The following AP1B1 variants were observed in gnomAD, a reference collection of about 807,000 sequenced individuals.
AP1B1 encodes AP-1 complex subunit beta-1.
AP1B1 carries 36 observed loss-of-function variants against 104.3 expected under a neutral mutation model. The observed-to-expected ratio is 0.35, with a 90% confidence interval of 0.26 to 0.46. The LOEUF (loss-of-function observed/expected upper bound fraction) is 0.46. Among genes scored for constraint, AP1B1 ranks in the 20% least tolerant of loss-of-function variants. The probability of loss-of-function intolerance (pLI) is 1.00; values close to 1 mark genes in which losing one functional copy is unlikely to be tolerated. For synonymous variants in AP1B1, 504 were observed against 517.5 expected, an observed-to-expected ratio of 0.97 and a Z score of 0.35; for missense variants, 901 against 1,247.9, an observed-to-expected ratio of 0.72 and a Z score of 4.19.
rs1199020390 is a variant in AP1B1, at chr22:29,341,621, AGT to A, written c.1674_1675del (p.Leu559ValfsTer17). On this transcript the variant is annotated frameshift_variant, in exon 13 of 23. Transcript: ENST00000357586. LOFTEE classifies it high-confidence loss of function. ...GATGTAGCAGATAAGCTCGTCTAAC[AGT>A]GTGGGCTCGATGAGGTCCGTCTCTT... is the stretch of plus-strand genomic sequence containing the variant. 6.2e-7 allele frequency: 1 copy of A among 1,614,114 alleles called. No individual in the cohort carries two copies. The highest frequency in any genetic ancestry group is 2.2e-5 in the East Asian group (1 of 44,906).
rs192379314 is a variant in AP1B1, at chr22:29,360,982, T to C, written c.144-1023A>G. Among the ~76,000 whole-genome samples, 253 of 152,184 alleles carry C rather than the reference T, an allele frequency of 1.7e-3. 1 individual carries two copies. In the South Asian group the frequency reaches 0.017, roughly 10 times the overall value. On this transcript the variant is annotated intron_variant, in intron 3 of 22. Coordinates refer to ENST00000357586, the MANE Select transcript of AP1B1 (RefSeq NM_001127.4). ...ATTTATGTGTCACCTTGGAAGATGA[T>C]GCACCAGGAAGAATGGGGAGGAGGG...
chr22:29,341,518 C>T lies in AP1B1; in HGVS notation c.1779G>A (p.Leu593=), dbSNP rs2061714211. The T allele has an allele frequency of 3.1e-6, 5 of 1,613,060 alleles. No homozygotes were observed. Among genetic ancestry groups the T allele is most frequent in the Middle Eastern group, 1.7e-4 (1 of 6,050 alleles). The change falls in exon 13 of 23, where the codon CTG becomes CTA. Residue 593 remains leucine, a synonymous_variant. Transcript: ENST00000357586. The stretch of plus-strand genomic sequence containing the variant: ...TCACTCACGAGGCCGTGCGAGGTGG[C>T]AGGCTCTTGTGCACGACGCCCCGGC... The part of the protein sequence containing the change: ...EGGRGVVHKS[L]PPRTASSESA...
At chr22:29,378,297 C>A (rs2062378216) in intron 1 of AP1B1, among the ~76,000 whole-genome samples, 1 of 152,104 alleles carries the variant, frequency 6.6e-6, no homozygotes, top group Non-Finnish European at 1.5e-5. Flanking sequence ...TGACCCACAC[C>A]TGTAATCCTA....
rs112387850 is a variant in AP1B1 at position 29,349,977 on chromosome 22, G to A, written c.1271+58C>T. The A allele has an allele frequency of 1.1e-4, 153 of 1,344,008 alleles. 3 individuals are homozygous for A. The highest frequency in any genetic ancestry group is 4.7e-4 in the African/African-American group (33 of 69,742). The allele number at this position is 1,344,008 out of a possible 1,614,324, so 83.3% of individuals were successfully genotyped here. On this transcript the variant is annotated intron_variant, in intron 10 of 22. Transcript: ENST00000357586. ...AGATTCCTCCTTCCTTTTCTGCCCCGCCATCCCTGTCCCCAGGCAGAGCTA... is the reference window on the plus strand; with the variant it reads ...AGATTCCTCCTTCCTTTTCTGCCCCACCATCCCTGTCCCCAGGCAGAGCTA...
At chr22:29,345,597 T>C (rs1178074688) in intron 11 of AP1B1, among the ~76,000 whole-genome samples, 2 of 151,464 alleles carry the variant, frequency 1.3e-5, no homozygotes, top group Non-Finnish European at 2.9e-5. Context: ...CTCGAACTCC[T>C]GGACTCAAAA....
At position 29,387,091 on chromosome 22, in the gene AP1B1, T is replaced by C. The variant is rs940420251; in HGVS notation, c.-28+1333A>G. Among the ~76,000 whole-genome samples, 17 of 152,330 alleles carry C rather than the reference T, an allele frequency of 1.1e-4. 1 individual carries two copies. The highest frequency in any genetic ancestry group is 1.0e-3 in the South Asian group (5 of 4,834). On this transcript the variant is annotated intron_variant, in intron 1 of 22. Transcript: ENST00000357586. ...AGAGAAGTTCTCGACAATCTTCAAA[T>C]AGTTTTCACGGATAGCCTGTTTTGT...
At chr22:29,332,694 G>A (rs12157995) in intron 17 of AP1B1, among the ~76,000 whole-genome samples, 5,131 of 152,300 alleles carry the variant, frequency 0.034, 263 homozygotes, top group African/African-American at 0.12. Flanking sequence ...AGACCCCATA[G>A]GGTGAGGGCG....
intron 1 of AP1B1, among the ~76,000 whole-genome samples, chr22:29,381,050 G>A (rs188282918): frequency 4.6e-4 from 70 of 152,156 alleles, no homozygotes; most frequent in Non-Finnish European, 7.6e-4. Flanking sequence ...ACTGATCCTC[G>A]AACACAACAT....
In AP1B1 at chr22:29,330,603, C is replaced by A; in HGVS notation, c.2611+20G>T. On this transcript the variant is annotated intron_variant, in intron 20 of 22. Coordinates refer to ENST00000357586, the MANE Select transcript of AP1B1 (RefSeq NM_001127.4). ...CTGGGTACAGGCGAGGGGCTGGGGT[C>A]GGGGGCTCGGAGTCCTCACCTGCAT... The A allele has an allele frequency of 6.2e-7, 1 of 1,613,528 alleles. No individual in the cohort carries two copies. Among genetic ancestry groups the A allele is most frequent in the Non-Finnish European group, 8.5e-7 (1 of 1,179,848 alleles).
At chr22:29,361,223 T>G (rs1265765618) in intron 3 of AP1B1, among the ~76,000 whole-genome samples, 2 of 152,202 alleles carry the variant, frequency 1.3e-5, no homozygotes, top group Non-Finnish European at 2.9e-5. Context: ...CTGCTCTGGC[T>G]TCCAAAGGGC....
intron 22 of AP1B1, chr22:29,329,215 C>G (rs1013662179): frequency 1.6e-6 from 2 of 1,221,938 alleles, no homozygotes; most frequent in Non-Finnish European, 2.1e-6. Flanking sequence ...GCCCGGCCCC[C>G]CAGAGTCCCT....
chr22:29,367,632 A>G (rs1369034294), intron 1 of AP1B1, among the ~76,000 whole-genome samples: 2 of 151,754 alleles, frequency 1.3e-5, no homozygotes, highest in Admixed American at 6.6e-5. Context: ...TCTTCTAGAA[A>G]TCTTTCCCAC....
At chr22:29,353,020 G>GT (rs1431426097) in intron 7 of AP1B1, among the ~76,000 whole-genome samples, 1 of 152,178 alleles carries the variant, frequency 6.6e-6, no homozygotes, top group Non-Finnish European at 1.5e-5. Context: ...CCTTCCGCGA[G>GT]TATCACCCAC....
intron 3 of AP1B1, 87 bp from the exon 4 acceptor site, chr22:29,360,046 C>G (rs2062020458): frequency 4.1e-6 from 6 of 1,460,952 alleles, no homozygotes; most frequent in African/African-American, 1.4e-5. Flanking sequence ...GGTGAGAGGA[C>G]AGTGGGTAGG....
chr22:29,362,583 GA>G (rs2062067882), intron 3 of AP1B1, among the ~76,000 whole-genome samples: 2 of 152,102 alleles, frequency 1.3e-5, no homozygotes, highest in African/African-American at 4.8e-5. Context: ...CTGACCTCGA[GA>G]TCCGCCCGCC....
Position 29,349,305 on chromosome 22 carries a change from C to G in AP1B1, c.1350G>C (p.Trp450Cys). Residue 450 changes from tryptophan to cysteine, a missense_variant, in exon 11 of 23, where the codon TGG (tryptophan) becomes TGC (cysteine). By Grantham distance (215) the Trp-to-Cys change is radical. This residue lies in a region of AP1B1 where 471 missense variants were observed against 696.7 expected (regional missense o/e 0.68). Coordinates refer to ENST00000357586, the MANE Select transcript of AP1B1 (RefSeq NM_001127.4). ...DEPEARAAMI[W>C]IVGEYAERID... is the part of the protein sequence containing the mutation. ...TCCGTTCCGCGTACTCGCCCACAAT[C>G]CAGATCATGGCAGCCCGGGCCTCAG... 6.2e-7 allele frequency: 1 copy of G among 1,614,138 alleles called. No homozygotes were observed. The highest frequency in any genetic ancestry group is 8.5e-7 in the Non-Finnish European group (1 of 1,180,044).
Position 29,357,688 on chromosome 22 carries a change from G to GTTT in AP1B1, c.525+1035_525+1037dup, listed in dbSNP as rs695400. 1.7e-3 allele frequency among the ~76,000 whole-genome samples: 220 copies of GTTT among 126,056 alleles called. 2 individuals are homozygous for GTTT. Among genetic ancestry groups the GTTT allele is most frequent in the Middle Eastern group, 4.0e-3 (1 of 248 alleles). The allele number at this position is 126,056 out of a possible 152,430, so 82.7% of individuals were successfully genotyped here. A position where few individuals can be genotyped will look rare whatever the true frequency, so the allele number is the denominator to read the frequency against. On this transcript the variant is annotated intron_variant, in intron 5 of 22. Coordinates refer to ENST00000357586, the MANE Select transcript of AP1B1 (RefSeq NM_001127.4). ...CCACTGCGCGCGGCCTCAGGCAGCT[G>GTTT]TTTTTTTTTTTTTTTTTGAGACGGA... is the stretch of plus-strand genomic sequence containing the variant.
At chr22:29,345,932 C>T (rs1397122168) in intron 11 of AP1B1, among the ~76,000 whole-genome samples, 1 of 152,204 alleles carries the variant, frequency 6.6e-6, no homozygotes, top group Non-Finnish European at 1.5e-5. Context: ...GATCTGCCTG[C>T]CTTGGCCTCC....
rs766135355 is a variant in AP1B1 at position 29,358,846 on chromosome 22, T to A, written c.405A>T (p.Pro135=). The A allele has an allele frequency of 4.3e-6, 7 of 1,614,222 alleles. No homozygotes were observed. In the South Asian group the frequency reaches 6.6e-5, roughly 15 times the overall value. Residue 135 remains proline, a synonymous_variant, in exon 5 of 23, where the codon CCA becomes CCT. Transcript: ENST00000357586. ...PLRKCLKDED[P]YVRKTAAVCV... is the part of the protein sequence containing the mutation. ...ACACAGCTGCTGTCTTGCGCACATA[T>A]GGATCCTCGTCCTTCAGGCACTTCC...
Sources: allele counts gnomAD v4.1 joint callset (sites outside exome capture counted in the v4.1 genomes callset), GRCh38; gene constraint gnomAD v4.1.1; regional missense constraint gnomAD v4.1.1; transcripts MANE v1.5; gene names NCBI Gene and HGNC (gene_info 2026-07-23, HGNC 2026-07-21).